Variants in ARHGAP9 observed in about 807,000 individuals in gnomAD.
The protein encoded by ARHGAP9 is Rho GTPase activating protein 9, also known as rho GTPase-activating protein 9.
In ARHGAP9, 76 loss-of-function variants were observed where a neutral mutation model predicts 87.3. The ratio of observed to expected loss-of-function variants is 0.87; its 90% CI spans 0.72 to 1.05. The LOEUF is 1.05. ARHGAP9 is among the 50% of genes least tolerant of loss of function. ARHGAP9 has a pLI of 0.00. For synonymous variants in ARHGAP9, 382 were observed against 394.9 expected (o/e 0.97, Z 0.39); for missense variants, 941 against 960.5 (o/e 0.98, Z 0.27).
At chr12:57,472,941 G>A (rs1043096323) in intron 17 of ARHGAP9, among the ~76,000 whole-genome samples, 1 of 152,166 alleles carries the variant, frequency 6.6e-6, no homozygotes, top group South Asian at 2.1e-4. Context: ...TCACAGTTTG[G>A]GAGTCTTTAA....
Position 57,478,591 on chromosome 12 carries a change from G to T in ARHGAP9, c.483C>A (p.Ser161Arg). ...SLLKPFQEGPSGRSLSQEDLP... is the reference protein window; with the variant it reads ...SLLKPFQEGPRGRSLSQEDLP... Reference sequence around the variant, plus strand: ...AGTCTTCCTGGGAGAGGGATCTTCCGCTTGGTCCTTCCTGGAAAGGCTTCA... The same window carrying T: ...AGTCTTCCTGGGAGAGGGATCTTCCTCTTGGTCCTTCCTGGAAAGGCTTCA... Residue 161 changes from serine (S) to arginine (R), a missense_variant, in exon 3 of 18, where the codon AGC becomes AGA. Coordinates refer to ENST00000393791, the MANE Select transcript of ARHGAP9 (RefSeq NM_032496.4). 1.2e-6 allele frequency: 2 copies of T among 1,614,046 alleles called. No individual in the cohort carries two copies. The highest frequency in any genetic ancestry group is 1.7e-6 in the Non-Finnish European group (2 of 1,180,022).
rs1188184363 is a variant in ARHGAP9, at chr12:57,476,620, G to T, written c.995C>A (p.Thr332Asn). ...CTTGCGCCCCCCTTGGGCAATCTTG[G>T]TCATGTTGAGCAGACCCGACTTTTC... Reference protein sequence around the residue: ...EVEKSGLLNMTKIAQGGRKLR... With the variant: ...EVEKSGLLNMNKIAQGGRKLR... Residue 332 changes from threonine (T) to asparagine (N), a missense_variant, in exon 7 of 18, where the codon ACC becomes AAC. Physicochemically the swap from Thr to Asn is moderately conservative, Grantham distance 65. Transcript: ENST00000393791. The T allele has an allele frequency of 7.4e-6, 12 of 1,614,020 alleles. No homozygotes were observed. Among genetic ancestry groups the T allele is most frequent in the Non-Finnish European group, 8.5e-6 (10 of 1,180,038 alleles).
In ARHGAP9 at chr12:57,473,687, C is replaced by G; in HGVS notation, c.1940G>C (p.Cys647Ser). ...AALALSESEQ[C>S]LSQIQELIGS... The stretch of plus-strand genomic sequence containing the variant: ...TATTAATTCTTGTATCTGAGAGAGG[C>G]ACTGCTCTGATTCGGAGAGTGCTAG... The change falls in exon 17 of 18, where the codon TGC becomes TCC. Residue 647 changes from cysteine (C) to serine (S), a missense_variant. Cys to Ser is a moderately radical substitution (Grantham distance 112, BLOSUM62 -1). Coordinates refer to ENST00000393791, the MANE Select transcript of ARHGAP9 (RefSeq NM_032496.4). 2 of 1,614,062 alleles carry G rather than the reference C, an allele frequency of 1.2e-6. No homozygotes were observed. The highest frequency in any genetic ancestry group is 1.7e-6 in the Non-Finnish European group (2 of 1,179,950).
chr12:57,475,718 A>G, intron 10 of ARHGAP9, 103 bp from the exon 11 acceptor site: 1 of 1,539,068 alleles, frequency 6.5e-7, no homozygotes, highest in Non-Finnish European at 8.8e-7. Flanking sequence ...GGCCCAGGCA[A>G]GGGCTCTCCA....
upstream of ARHGAP9, among the ~76,000 whole-genome samples, chr12:57,481,214 T>C (rs1874969774): frequency 6.6e-6 from 1 of 152,122 alleles, no homozygotes; most frequent in Non-Finnish European, 1.5e-5. Context: ...TTACTGGGCT[T>C]TCCAGGTACC....
chr12:57,476,074 C>T lies in ARHGAP9; in HGVS notation c.1209G>A (p.Leu403=), dbSNP rs557827282. 6.5e-6 allele frequency: 10 copies of T among 1,534,128 alleles called. No homozygotes were observed. The East Asian group carries it at 2.5e-4, about 38-fold the overall frequency. ...GRHLSSRRNV[L]HIRTIPGHEF... ...GGACGCGCGGGAGGGCGCTCACGTG[C>T]AGGACGTTGCGGCGGCTGGACAGGT... is the stretch of plus-strand genomic sequence containing the variant. The change falls in exon 9 of 18, where the codon CTG becomes CTA. Residue 403 remains leucine (L), a synonymous_variant. Transcript: ENST00000393791.
intron 1 of ARHGAP9, chr12:57,487,985 C>A: frequency 2.4e-6 from 2 of 838,038 alleles, no homozygotes; most frequent in Non-Finnish European, 4.1e-6. Flanking sequence ...GGTGCCAGGG[C>A]AGTGGCCTAA....
intron 16 of ARHGAP9, among the ~76,000 whole-genome samples, 154 bp from the exon 17 acceptor site, chr12:57,473,862 C>A (rs983277758): frequency 6.6e-6 from 1 of 152,214 alleles, no homozygotes; most frequent in Non-Finnish European, 1.5e-5. Flanking sequence ...CCTCATAATT[C>A]TTTTCAATTC....
exon 1 of ARHGAP9, chr12:57,488,649 A>AGGAGGTTCTCTT: frequency 6.4e-7 from 1 of 1,550,840 alleles, no homozygotes; most frequent in Non-Finnish European, 8.7e-7. Context: ...GGTGACTCTT[A>AGGAGGTTCTCTT]GGAGGTTCTC....
rs559428171 is a variant in ARHGAP9, at chr12:57,479,122, G to T, written c.285C>A (p.Thr95=). ...EESIPSQSPT[T]VIPGQLLWTP... ...TCCAGAGCAATTGGCCGGGGATGAC[G>T]GTAGTTGGACTCTGGGAAGGGATGG... Residue 95 remains threonine, a synonymous_variant, in exon 2 of 18, where the codon ACC becomes ACA. Transcript: ENST00000393791. 2 of 1,614,216 alleles carry T rather than the reference G, an allele frequency of 1.2e-6. No individual in the cohort carries two copies. The highest frequency in any genetic ancestry group is 1.7e-6 in the Non-Finnish European group (2 of 1,180,054).
Position 57,478,807 on chromosome 12 carries a change from T to C in ARHGAP9, c.317-50A>G, listed in dbSNP as rs1230011048. ...GGTGGCAGGTGATCAGAGGTGTTGT[T>C]GTAACTGGGTCCCTCATCTTGGGAA... On this transcript the variant is annotated intron_variant, in intron 2 of 17. Transcript: ENST00000393791. 6 of 1,513,410 alleles carry C rather than the reference T, an allele frequency of 4.0e-6. No individual in the cohort carries two copies. In the South Asian group the frequency reaches 7.4e-5, roughly 19 times the overall value. 93.7% of individuals were successfully genotyped at this position (1,513,410 alleles called of 1,614,324 possible).
In ARHGAP9 at chr12:57,476,446, C is replaced by T; in HGVS notation, c.1034G>A (p.Trp345Ter). The T allele has an allele frequency of 1.2e-6, 2 of 1,614,094 alleles. No homozygotes were observed. Among genetic ancestry groups the T allele is most frequent in the Non-Finnish European group, 1.7e-6 (2 of 1,180,010 alleles). Residue 345 changes from tryptophan (W) to a stop codon, truncating the protein, a stop_gained, in exon 8 of 18, where the codon TGG becomes TAG. Transcript: ENST00000393791. LOFTEE classifies it high-confidence loss of function. ...CGTTAACACCACCCAAGACGGGCCC[C>T]AGTTCTTCCTGCGGGGACAGAGAGG... The part of the protein sequence containing the change: ...AQGGRKLRKN[W>*]GPSWVVLTGN...
At position 57,479,239 on chromosome 12, in the gene ARHGAP9, C is replaced by G; in HGVS notation, c.168G>C (p.Lys56Asn). The G allele has an allele frequency of 6.2e-7, 1 of 1,614,180 alleles. No homozygotes were observed. Among genetic ancestry groups the G allele is most frequent in the Non-Finnish European group, 8.5e-7 (1 of 1,180,026 alleles). ...AEGDRFLLLR[K>N]TNSDWWLARR... ...TTGCCAACCACCAGTCGGAGTTGGTCTTTCGAAGCAGTAGGAACCTATCCC... is the reference window on the plus strand; with the variant it reads ...TTGCCAACCACCAGTCGGAGTTGGTGTTTCGAAGCAGTAGGAACCTATCCC... Residue 56 changes from lysine to asparagine, a missense_variant, in exon 2 of 18, where the codon AAG becomes AAC. Lys to Asn is a moderately conservative substitution (Grantham distance 94, BLOSUM62 0). Coordinates refer to ENST00000393791, the MANE Select transcript of ARHGAP9 (RefSeq NM_032496.4).
At position 57,472,513 on chromosome 12, in the gene ARHGAP9, T is replaced by G. The variant is rs1198428001; in HGVS notation, c.*4A>C. 1 of 1,613,802 alleles carries G rather than the reference T, an allele frequency of 6.2e-7. No individual in the cohort carries two copies. Among genetic ancestry groups the G allele is most frequent in the East Asian group, 2.2e-5 (1 of 44,880 alleles). On this transcript the variant is annotated 3_prime_UTR_variant, in exon 18 of 18. Transcript: ENST00000393791. ...AATATGTTTTCTCTTCTTCCTTCCC[T>G]GCATCAGGGGAAGAGGCTGGTGAAG...
chr12:57,475,482 C>T lies in ARHGAP9; in HGVS notation c.1444+1G>A. On this transcript the variant is annotated splice_donor_variant, in intron 11 of 17. Transcript: ENST00000393791. LOFTEE classifies it high-confidence loss of function. ...CTCTCCCTCCCCAGCCCGCGCCTCA[C>T]TGGAGCTCCGGCGGCTGCTGAGGCG... The T allele has an allele frequency of 6.3e-7, 1 of 1,598,172 alleles. No homozygotes were observed. The highest frequency in any genetic ancestry group is 8.5e-7 in the Non-Finnish European group (1 of 1,173,494).
intron 3 of ARHGAP9, chr12:57,478,026 G>A: frequency 9.4e-7 from 1 of 1,068,242 alleles, no homozygotes; most frequent in Non-Finnish European, 1.2e-6. Flanking sequence ...GGTAAAAGAA[G>A]ACAGAGAAGG....
At position 57,475,279 on chromosome 12, in the gene ARHGAP9, C is replaced by T; in HGVS notation, c.1552+12G>A. The stretch of plus-strand genomic sequence containing the variant: ...AGTTTTCTTATCCATGAACCTGGCC[C>T]AGCCCCCTCACCTCGGAGCAGACCC... On this transcript the variant is annotated intron_variant, in intron 12 of 17. Coordinates refer to ENST00000393791, the MANE Select transcript of ARHGAP9 (RefSeq NM_032496.4). 6.4e-7 allele frequency: 1 copy of T among 1,574,796 alleles called. No individual in the cohort carries two copies.
chr12:57,481,477 T>C (rs977386984), upstream of ARHGAP9, among the ~76,000 whole-genome samples: 64 of 152,274 alleles, frequency 4.2e-4, no homozygotes, highest in African/African-American at 1.5e-3. Flanking sequence ...GGTCTCGAAC[T>C]CCTGACCTCG....
At chr12:57,488,007 A>G in intron 1 of ARHGAP9, 1 of 1,179,362 alleles carries the variant, frequency 8.5e-7, no homozygotes, top group South Asian at 1.3e-5. Flanking sequence ...ACGGAACTCC[A>G]TTTCCCGGCG....
Sources: gnomAD v4.1 joint callset for allele counts (sites outside exome capture counted in the v4.1 genomes callset) on GRCh38, gnomAD v4.1.1 for gene constraint, MANE v1.5 for transcripts, NCBI Gene and HGNC (gene_info 2026-07-23, HGNC 2026-07-21) for gene names.